The following WIF1 variants were observed in gnomAD, a reference collection of about 807,000 sequenced individuals.
WIF1 encodes Wnt inhibitory factor 1.
A neutral mutation model predicts 53.5 loss-of-function variants in WIF1; 35 were observed. The observed-to-expected ratio is 0.65, with a 90% CI of 0.50 to 0.87. WIF1 has a LOEUF of 0.87. WIF1 is among the 40% of genes least tolerant of loss of function. The pLI is 0.00. For synonymous variants in WIF1, 171 were observed against 170.4 expected, an observed-to-expected ratio of 1.00 and a Z score of -0.03; for missense variants, 467 against 476.8, an observed-to-expected ratio of 0.98 and a Z score of 0.19.
chr12:65,052,620 A>G (rs938755592), intron 9 of WIF1, among the ~76,000 whole-genome samples: 3 of 152,178 alleles, frequency 2.0e-5, no homozygotes, highest in African/African-American at 7.2e-5. Flanking sequence ...CCCTTCTTTC[A>G]GCTCAATTAT....
At chr12:65,060,893 T>G (rs1281857627) in intron 7 of WIF1, among the ~76,000 whole-genome samples, 2 of 152,168 alleles carry the variant, frequency 1.3e-5, no homozygotes, top group East Asian at 3.9e-4. Context: ...AAGACCCACA[T>G]TTTTTGATGT....
chr12:65,072,814 G>T (rs769808810), intron 3 of WIF1, among the ~76,000 whole-genome samples: 16 of 152,162 alleles, frequency 1.1e-4, no homozygotes, highest in Non-Finnish European at 2.2e-4. Context: ...ATAGGAATAT[G>T]AGTAAAGAGC....
At chr12:65,058,280 A>C (rs186273077) in intron 7 of WIF1, among the ~76,000 whole-genome samples, 1 of 152,300 alleles carries the variant, frequency 6.6e-6, no homozygotes, top group Admixed American at 6.5e-5. Context: ...TTTTCAAGTG[A>C]GCAAGGTATA....
intron 2 of WIF1, among the ~76,000 whole-genome samples, chr12:65,082,635 A>C (rs2136624499): frequency 6.6e-6 from 1 of 152,274 alleles, no homozygotes; most frequent in African/African-American, 2.4e-5. Flanking sequence ...GCTGAATATT[A>C]GGATTGTTCC....
intron 2 of WIF1, among the ~76,000 whole-genome samples, chr12:65,081,294 A>G (rs974535172): frequency 3.9e-5 from 6 of 152,158 alleles, no homozygotes; most frequent in Admixed American, 1.3e-4. Context: ...TTGAAAGTGC[A>G]GCAATTTGCA....
rs11539162 is a variant in WIF1, at chr12:65,120,528, T to C, written c.177A>G (p.Ser59=). Residue 59 remains serine, a synonymous_variant, in exon 2 of 10, where the codon TCA becomes TCG. Transcript: ENST00000286574. ...GTGTAAAAGGTGCCATTTTCCCCTCTGAAACAATCAGGATATCTTCTTCAA... is the reference window on the plus strand; with the variant it reads ...GTGTAAAAGGTGCCATTTTCCCCTCCGAAACAATCAGGATATCTTCTTCAA... ...IGFEEDILIV[S]EGKMAPFTHD... 6.2e-7 allele frequency: 1 copy of C among 1,613,962 alleles called. No individual in the cohort carries two copies. The highest frequency in any genetic ancestry group is 1.1e-5 in the South Asian group (1 of 91,016).
chr12:65,087,623 A>T (rs1368255427), intron 2 of WIF1, among the ~76,000 whole-genome samples: 1 of 151,880 alleles, frequency 6.6e-6, no homozygotes, highest in African/African-American at 2.4e-5. Flanking sequence ...TCTTTGATTT[A>T]AAAAAAAGGA....
intron 2 of WIF1, among the ~76,000 whole-genome samples, chr12:65,110,210 A>T (rs1883409432): frequency 6.6e-6 from 1 of 152,104 alleles, no homozygotes; most frequent in Non-Finnish European, 1.5e-5. Context: ...TCTGGCCCTG[A>T]CCACATGTCC....
At chr12:65,068,506 A>T (rs1341789602) in intron 4 of WIF1, among the ~76,000 whole-genome samples, 1 of 152,058 alleles carries the variant, frequency 6.6e-6, no homozygotes, top group Non-Finnish European at 1.5e-5. Flanking sequence ...GAGGAAGAAA[A>T]GGTGTTTTGA....
chr12:65,121,185 G>A lies in WIF1; in HGVS notation c.7C>T (p.Arg3Trp). 1.8e-5 allele frequency: 27 copies of A among 1,533,832 alleles called. 1 individual carries two copies. Among genetic ancestry groups the A allele is most frequent in the South Asian group, 3.7e-5 (3 of 81,022 alleles). Residue 3 changes from arginine (R) to tryptophan (W), a missense_variant, in exon 1 of 10, where the codon CGG becomes TGG. Transcript: ENST00000286574. ...GCGGCGGCAGGGAAGGCGCTCCTCC[G>A]GGCCATGCTGCTCAGGACCTCCTCG... MA[R>W]RSAFPAAALW...
chr12:65,099,828 GTGCTGTT>G (rs1883253923), intron 2 of WIF1, among the ~76,000 whole-genome samples: 1 of 152,050 alleles, frequency 6.6e-6, no homozygotes, highest in Non-Finnish European at 1.5e-5. Flanking sequence ...CTCTTAAAAA[GTGCTGTT>G]TTCCAGCCAG....
At chr12:65,080,664 T>C (rs1882935106) in intron 2 of WIF1, among the ~76,000 whole-genome samples, 1 of 152,202 alleles carries the variant, frequency 6.6e-6, no homozygotes, top group African/African-American at 2.4e-5. Context: ...TGAATAACAT[T>C]TGAATTATTT....
chr12:65,119,054 G>A (rs946157915), intron 2 of WIF1, among the ~76,000 whole-genome samples: 1 of 152,206 alleles, frequency 6.6e-6, no homozygotes, highest in East Asian at 1.9e-4. Context: ...GAATTAATTG[G>A]CCACTTAGTT....
chr12:65,121,118 C>G lies in WIF1; in HGVS notation c.74G>C (p.Arg25Pro), dbSNP rs1883603268. The change falls in exon 1 of 10, where the codon CGG becomes CCG. Residue 25 changes from arginine to proline, a missense_variant. Coordinates refer to ENST00000286574, the MANE Select transcript of WIF1 (RefSeq NM_007191.5). ...CTCCTGCGGCGGCCCGGCCTCCGCC[C>G]GCAGTGCCAGCAGGCACAGGAGGAT... ...WSILLCLLALRAEAGPPQEES... is the reference protein window; with the variant it reads ...WSILLCLLALPAEAGPPQEES... 6.5e-7 allele frequency: 1 copy of G among 1,547,568 alleles called. No individual in the cohort carries two copies. Among genetic ancestry groups the G allele is most frequent in the Non-Finnish European group, 8.7e-7 (1 of 1,145,184 alleles).
Position 65,062,523 on chromosome 12 carries a change from A to G in WIF1, c.784T>C (p.Cys262Arg). ...CCCTCTAGTCCTGGAGGGCAAATAC[A>G]TTTTCCAGGGTAGAAACAGGTCCCT... ...NGGTCFYPGK[C>R]ICPPGLEGEQ... The change falls in exon 7 of 10, where the codon TGT becomes CGT. Residue 262 changes from cysteine to arginine, a missense_variant. Cys to Arg is a radical substitution (Grantham distance 180). Transcript: ENST00000286574. 1.2e-6 allele frequency: 2 copies of G among 1,608,918 alleles called. No individual in the cohort carries two copies. The highest frequency in any genetic ancestry group is 1.7e-6 in the Non-Finnish European group (2 of 1,177,354).
At chr12:65,062,605 A>G (rs1189034090) in intron 6 of WIF1, 29 bp from the exon 7 acceptor site, 1 of 1,574,562 alleles carries the variant, frequency 6.4e-7, no homozygotes. Flanking sequence ...GGGGTGTTGC[A>G]TTAGACAGTA....
At chr12:65,101,104 G>A (rs866870034) in intron 2 of WIF1, among the ~76,000 whole-genome samples, 1 of 149,582 alleles carries the variant, frequency 6.7e-6, no homozygotes, top group South Asian at 2.1e-4. Context: ...AAAATGTAAT[G>A]AACTTAAAAC....
chr12:65,086,375 C>T (rs1186790445), intron 2 of WIF1, among the ~76,000 whole-genome samples: 1 of 152,008 alleles, frequency 6.6e-6, no homozygotes, highest in African/African-American at 2.4e-5. Context: ...TCGATGCCAA[C>T]CTAAAAATTG....
At chr12:65,090,127 C>G (rs1883101156) in intron 2 of WIF1, among the ~76,000 whole-genome samples, 1 of 152,122 alleles carries the variant, frequency 6.6e-6, no homozygotes, top group Non-Finnish European at 1.5e-5. Flanking sequence ...ATTTGGGTCC[C>G]AGTCAACAGT....
Sources: allele counts gnomAD v4.1 joint callset (sites outside exome capture counted in the v4.1 genomes callset), GRCh38; gene constraint gnomAD v4.1.1; transcripts MANE v1.5; gene names NCBI Gene and HGNC (gene_info 2026-07-23, HGNC 2026-07-21).